MAP3K8: variants seen among roughly 807,000 people sequenced by gnomAD.
MAP3K8 encodes Ewing sarcoma transformant.
A neutral mutation model predicts 45.8 loss-of-function variants in MAP3K8; 22 were observed. That is an observed-to-expected ratio of 0.48 (90% confidence interval 0.34 to 0.69). The LOEUF is 0.69. MAP3K8 is among the 30% of genes least tolerant of loss of function. The pLI is 0.01. For synonymous variants in MAP3K8, 223 were observed against 214.3 expected (o/e 1.04, Z -0.36); for missense variants, 419 against 585.0 (o/e 0.72, Z 2.93).
Position 30,456,294 on chromosome 10 carries a change from A to C in MAP3K8, c.874-1790A>C, listed in dbSNP as rs370288421. 5.3e-5 allele frequency among the ~76,000 whole-genome samples: 8 copies of C among 152,308 alleles called. No individual in the cohort carries two copies. The South Asian group carries it at 1.2e-3, about 24-fold the overall frequency. The stretch of plus-strand genomic sequence containing the variant: ...ACTATAGGTACAATGTTGTGCATTA[A>C]TTTTTTAAGTTTGTGATATATTTAG... On this transcript the variant is annotated intron_variant, in intron 6 of 8. Transcript: ENST00000263056.
chr10:30,451,111 G>A (rs774526920), intron 5 of MAP3K8, among the ~76,000 whole-genome samples: 1,463 of 144,200 alleles, frequency 0.01, 15 homozygotes, highest in Non-Finnish European at 0.012. Flanking sequence ...AAAAAAAAAA[G>A]CAATTTACTT....
At position 30,460,937 on chromosome 10, in the gene MAP3K8, C is replaced by T. The variant is rs571840967; in HGVS notation, c.*101C>T. 4.8e-5 allele frequency: 70 copies of T among 1,450,794 alleles called. No homozygotes were observed. The highest frequency in any genetic ancestry group is 3.6e-4 in the East Asian group (15 of 41,134). 89.9% of individuals were successfully genotyped at this position (1,450,794 alleles called of 1,614,324 possible). Reference sequence around the variant, plus strand: ...CCTGTACAGTGAATGGTGCCATTTTCGAAGGAGCAGTGTGACCTCCTGTGA... The same window carrying T: ...CCTGTACAGTGAATGGTGCCATTTTTGAAGGAGCAGTGTGACCTCCTGTGA... On this transcript the variant is annotated 3_prime_UTR_variant, in exon 9 of 9. Coordinates refer to ENST00000263056, the MANE Select transcript of MAP3K8 (RefSeq NM_005204.4).
chr10:30,447,209 A>G (rs923491031), intron 3 of MAP3K8, among the ~76,000 whole-genome samples: 1 of 152,252 alleles, frequency 6.6e-6, no homozygotes, highest in African/African-American at 2.4e-5. Context: ...AATAGATAAC[A>G]ATGCATGCGA....
intron 6 of MAP3K8, among the ~76,000 whole-genome samples, chr10:30,455,672 C>A (rs1337238830): frequency 2.0e-5 from 3 of 152,164 alleles, no homozygotes; most frequent in Non-Finnish European, 4.4e-5. Context: ...ATATAGTCAT[C>A]ACATGCACAT....
At chr10:30,454,663 T>G (rs1411041759) in intron 6 of MAP3K8, among the ~76,000 whole-genome samples, 1 of 151,930 alleles carries the variant, frequency 6.6e-6, no homozygotes, top group Non-Finnish European at 1.5e-5. Context: ...CTTTTGTGAA[T>G]ATTACTGAAG....
intron 1 of MAP3K8, among the ~76,000 whole-genome samples, 167 bp from the exon 2 acceptor site, chr10:30,437,008 TA>T (rs1429564323): frequency 7.2e-5 from 11 of 152,068 alleles, no homozygotes; most frequent in African/African-American, 2.7e-4. Flanking sequence ...GTTGCTCTCC[TA>T]ACTCAGCAGA....
intron 3 of MAP3K8, among the ~76,000 whole-genome samples, chr10:30,443,364 C>T (rs989957613): frequency 1.3e-5 from 2 of 152,212 alleles, no homozygotes; most frequent in Admixed American, 6.5e-5. Context: ...GTGGGAGTTA[C>T]TGTTGTATAC....
intron 1 of MAP3K8, among the ~76,000 whole-genome samples, chr10:30,436,952 C>G (rs780000610): frequency 6.6e-6 from 1 of 151,652 alleles, no homozygotes; most frequent in Non-Finnish European, 1.5e-5. Flanking sequence ...TGCAACTAAA[C>G]GGCTCAGTAA....
chr10:30,454,565 T>TA (rs5784200), intron 6 of MAP3K8, among the ~76,000 whole-genome samples: 243 of 140,424 alleles, frequency 1.7e-3, no homozygotes, highest in African/African-American at 5.2e-3. Flanking sequence ...GACCTTGTCC[T>TA]AAAAAAAAAA....
intron 6 of MAP3K8, among the ~76,000 whole-genome samples, chr10:30,453,629 G>A (rs1459348634): frequency 1.3e-5 from 2 of 152,192 alleles, no homozygotes; most frequent in African/African-American, 4.8e-5. Flanking sequence ...GCACCAACGA[G>A]GAAGCATGAC....
intron 6 of MAP3K8, among the ~76,000 whole-genome samples, chr10:30,452,238 G>A (rs564455934): frequency 7.9e-5 from 12 of 152,230 alleles, no homozygotes; most frequent in African/African-American, 1.4e-4. Context: ...GGGAGGCTGA[G>A]ATGGGCGGAT....
intron 6 of MAP3K8, among the ~76,000 whole-genome samples, chr10:30,454,444 T>C (rs146028045): frequency 1.6e-4 from 25 of 152,234 alleles, no homozygotes; most frequent in East Asian, 1.5e-3. Flanking sequence ...GGTGCATGTC[T>C]GTAGTCCCAG....
intron 1 of MAP3K8, among the ~76,000 whole-genome samples, chr10:30,436,297 G>A (rs567518169): frequency 2.0e-5 from 3 of 152,334 alleles, no homozygotes; most frequent in African/African-American, 7.2e-5. Flanking sequence ...CTTAATTAAG[G>A]CTGGAAAGTG....
chr10:30,457,910 GTTC>G (rs1247298138), intron 6 of MAP3K8, among the ~76,000 whole-genome samples, 171 bp from the exon 7 acceptor site: 1 of 152,156 alleles, frequency 6.6e-6, no homozygotes, highest in African/African-American at 2.4e-5. Context: ...CCGGCCAGGT[GTTC>G]TTCATCAGAC....
chr10:30,451,431 A>G (rs1836535104), intron 5 of MAP3K8, among the ~76,000 whole-genome samples: 2 of 152,186 alleles, frequency 1.3e-5, no homozygotes, highest in South Asian at 4.1e-4. Flanking sequence ...TCATACCCAC[A>G]TTGGCTGTAT....
intron 3 of MAP3K8, among the ~76,000 whole-genome samples, chr10:30,446,210 A>G (rs946562666): frequency 1.3e-5 from 2 of 152,104 alleles, no homozygotes; most frequent in South Asian, 2.1e-4. Context: ...TTCTTCTGTT[A>G]CTTGAAATAA....
At chr10:30,445,846 T>G (rs1034808878) in intron 3 of MAP3K8, among the ~76,000 whole-genome samples, 1 of 152,236 alleles carries the variant, frequency 6.6e-6, no homozygotes, top group African/African-American at 2.4e-5. Flanking sequence ...ATTCCCTGAC[T>G]AATAGTGAAC....
At chr10:30,439,863 C>A (rs1289237214) in intron 3 of MAP3K8, among the ~76,000 whole-genome samples, 1 of 152,196 alleles carries the variant, frequency 6.6e-6, no homozygotes, top group Non-Finnish European at 1.5e-5. Flanking sequence ...AAAGTTTATT[C>A]ATCAGTTATG....
chr10:30,447,634 T>C lies in MAP3K8; in HGVS notation c.337-148T>C, dbSNP rs1298360130. The C allele has an allele frequency of 4.3e-6, 3 of 690,692 alleles. No homozygotes were observed. In the African/African-American group the frequency reaches 5.4e-5, roughly 13 times the overall value. The allele number at this position is 690,692 out of a possible 1,614,324, so 42.8% of individuals were successfully genotyped here. A position where few individuals can be genotyped will look rare whatever the true frequency, so the allele number is the denominator to read the frequency against. ...CCTCAAGCTCTAAATATAGTCTCTG[T>C]ACAGTTGGTAGGATTAAGCACAGTG... On this transcript the variant is annotated intron_variant, in intron 3 of 8. Coordinates refer to ENST00000263056, the MANE Select transcript of MAP3K8 (RefSeq NM_005204.4).
Sources: allele counts gnomAD v4.1 joint callset (sites outside exome capture counted in the v4.1 genomes callset), GRCh38; gene constraint gnomAD v4.1.1; transcripts MANE v1.5; gene names NCBI Gene and HGNC (gene_info 2026-07-23, HGNC 2026-07-21).